The following GLP2R variants were observed in gnomAD, a reference collection of about 807,000 sequenced individuals.
GLP2R encodes the protein glucagon-like peptide 2 receptor.
In GLP2R, 59 loss-of-function variants were observed where a neutral mutation model predicts 68.2. That is an observed-to-expected ratio of 0.87 (90% CI 0.70 to 1.07). The LOEUF (loss-of-function observed/expected upper bound fraction) is 1.07. GLP2R is among the 50% of genes least tolerant of loss of function. The pLI, the probability that GLP2R is intolerant of heterozygous loss-of-function variation, is 0.00. For synonymous variants in GLP2R, 270 were observed against 265.4 expected (o/e 1.02, Z -0.17); for missense variants, 548 against 677.4 (o/e 0.81, Z 2.12).
At chr17:9,853,870 C>G (rs1413033069) in intron 4 of GLP2R, among the ~76,000 whole-genome samples, 1 of 152,136 alleles carries the variant, frequency 6.6e-6, no homozygotes, top group African/African-American at 2.4e-5. Flanking sequence ...AGCTATGTGG[C>G]CAAGACCAGA....
chr17:9,888,022 AACC>A, intron 12 of GLP2R, 49 bp downstream of exon 12: 1 of 1,271,132 alleles, frequency 7.9e-7, no homozygotes, highest in Non-Finnish European at 1.2e-6. Context: ...TTGGGACTGC[AACC>A]CTACCCACCT....
chr17:9,834,904 G>C (rs891650093), intron 2 of GLP2R: 1 of 152,260 alleles, frequency 6.6e-6, no homozygotes, highest in African/African-American at 2.4e-5. Flanking sequence ...CACAGCTCAG[G>C]TGAGCACTGC....
rs61209234 is a variant in GLP2R at position 9,866,082 on chromosome 17, G to A, written c.1056+3992G>A. On this transcript the variant is annotated intron_variant, in intron 9 of 12. Transcript: ENST00000262441. ...TGCATTGGTTCTAGGGCTCCCCAGAGAGTGGAATTTATGTGTCCCACCAGA... is the reference window on the plus strand; with the variant it reads ...TGCATTGGTTCTAGGGCTCCCCAGAAAGTGGAATTTATGTGTCCCACCAGA... 7.5e-3 allele frequency: 2,599 copies of A among 346,720 alleles called. 66 individuals are homozygous for A. The highest frequency in any genetic ancestry group is 0.051 in the African/African-American group (2,357 of 46,660). 21.5% of individuals were successfully genotyped at this position (346,720 alleles called of 1,614,324 possible).
At position 9,841,166 on chromosome 17, in the gene GLP2R, G is replaced by A. The variant is rs1229731154; in HGVS notation, c.383-1329G>A. On this transcript the variant is annotated intron_variant, in intron 3 of 12. Transcript: ENST00000262441. ...CTAGTAGCTGGGACTACAGGAGCTC[G>A]CTACCATGCCTAGCTAATTTTTTTT... Among the ~76,000 whole-genome samples, 7 of 150,496 alleles carry A rather than the reference G, an allele frequency of 4.7e-5. No individual in the cohort carries two copies. In the South Asian group the frequency reaches 1.1e-3, roughly 23 times the overall value.
At chr17:9,883,392 T>C (rs1323627110) in intron 11 of GLP2R, among the ~76,000 whole-genome samples, 1 of 97,694 alleles carries the variant, frequency 1.0e-5, no homozygotes, top group Non-Finnish European at 3.1e-5. Context: ...AACATACACA[T>C]AGGAGAGTCC....
At position 9,861,147 on chromosome 17, in the gene GLP2R, G is replaced by A; in HGVS notation, c.934G>A (p.Val312Met). ...CTGTGTTTTCTCCCCAGCCTTCCCT[G>A]TGCTATTTGTTGTACCCTGGGGTTT... ...RYLLLGWAFP[V>M]LFVVPWGFAR... Residue 312 changes from valine to methionine, a missense_variant, in exon 8 of 13, where the codon GTG becomes ATG. Transcript: ENST00000262441. The A allele has an allele frequency of 6.2e-7, 1 of 1,613,640 alleles. No individual in the cohort carries two copies. Among genetic ancestry groups the A allele is most frequent in the Non-Finnish European group, 8.5e-7 (1 of 1,179,676 alleles).
chr17:9,836,505 C>A, intron 3 of GLP2R, 30 bp downstream of exon 3: 2 of 1,350,426 alleles, frequency 1.5e-6, no homozygotes, highest in South Asian at 2.3e-5. Context: ...CCAATTTTCC[C>A]CAACCAAGTG....
At chr17:9,857,613 A>T in intron 6 of GLP2R, 37 bp downstream of exon 6, 1 of 1,603,238 alleles carries the variant, frequency 6.2e-7, no homozygotes, top group Non-Finnish European at 8.5e-7. Flanking sequence ...TGGACTCCCC[A>T]CCTGATGGGT....
rs138733497 is a variant in GLP2R, at chr17:9,886,150, T to C, written c.1285-1782T>C. ...CATTTTAGAGACTCCACCATGGGAA[T>C]TGGCAAGAACAGGCATCAGCCCTAA... is the stretch of plus-strand genomic sequence containing the variant. On this transcript the variant is annotated intron_variant, in intron 11 of 12. Coordinates refer to ENST00000262441, the MANE Select transcript of GLP2R (RefSeq NM_004246.3). 4.1e-4 allele frequency among the ~76,000 whole-genome samples: 63 copies of C among 152,286 alleles called. 1 individual carries two copies. The East Asian group carries it at 0.01, about 25-fold the overall frequency.
intron 4 of GLP2R, 135 bp downstream of exon 4, chr17:9,842,751 G>T: frequency 1.1e-6 from 1 of 923,546 alleles, no homozygotes; most frequent in Non-Finnish European, 1.6e-6. Context: ...AGCTAAGGAA[G>T]GTCCCGCAAA....
chr17:9,857,531 C>A lies in GLP2R; in HGVS notation c.720C>A (p.Ser240=), dbSNP rs776739218. The part of the protein sequence containing the change: ...VKDVVFYNSY[S]KRPDNENGWM... ...ACGTCGTCTTCTACAACTCTTACTC[C>A]AAGAGGCCTGACAATGAGAATGGGT... The change falls in exon 6 of 13, where the codon TCC becomes TCA. Residue 240 remains serine (S), a synonymous_variant. Coordinates refer to ENST00000262441, the MANE Select transcript of GLP2R (RefSeq NM_004246.3). 5 of 1,614,180 alleles carry A rather than the reference C, an allele frequency of 3.1e-6. No individual in the cohort carries two copies. In the Admixed American group the frequency reaches 8.3e-5, roughly 27 times the overall value.
intron 6 of GLP2R, among the ~76,000 whole-genome samples, 166 bp from the exon 7 acceptor site, chr17:9,859,776 G>A (rs987264256): frequency 5.5e-5 from 7 of 128,154 alleles, no homozygotes. Flanking sequence ...AGCTGAGATT[G>A]CACCTCTGCA....
intron 10 of GLP2R, among the ~76,000 whole-genome samples, chr17:9,874,323 C>CT (rs2067125275): frequency 6.6e-6 from 1 of 152,080 alleles, no homozygotes; most frequent in Admixed American, 6.5e-5. Flanking sequence ...CTGGAAATTC[C>CT]TTTTTTCCTC....
At chr17:9,871,970 G>A (rs959737833) in intron 10 of GLP2R, among the ~76,000 whole-genome samples, 2 of 152,088 alleles carry the variant, frequency 1.3e-5, no homozygotes, top group African/African-American at 4.8e-5. Context: ...TGATCCACTA[G>A]CCTTGGCCTC....
intron 11 of GLP2R, among the ~76,000 whole-genome samples, chr17:9,885,456 G>A (rs780357171): frequency 3.3e-5 from 5 of 151,990 alleles, no homozygotes; most frequent in Non-Finnish European, 7.4e-5. Flanking sequence ...GCAAACGTCT[G>A]AAGGCCCAAT....
chr17:9,885,883 A>T (rs1486170500), intron 11 of GLP2R, among the ~76,000 whole-genome samples: 2 of 152,146 alleles, frequency 1.3e-5, no homozygotes. Flanking sequence ...AGCATGGAAG[A>T]TTTGTTCCTG....
intron 4 of GLP2R, chr17:9,852,744 A>G (rs1024200316): frequency 5.3e-5 from 13 of 246,012 alleles, no homozygotes; most frequent in African/African-American, 3.0e-4. Context: ...AGTGTTTCAT[A>G]GATTTCTCCA....
At chr17:9,877,863 C>A (rs999801524) in intron 10 of GLP2R, among the ~76,000 whole-genome samples, 16 of 113,312 alleles carry the variant, frequency 1.4e-4, no homozygotes, top group African/African-American at 4.8e-4. Context: ...GGCGACAGAA[C>A]GAGACTCCGT....
chr17:9,874,475 AGAGT>A (rs1160972632), intron 10 of GLP2R, among the ~76,000 whole-genome samples: 14 of 152,180 alleles, frequency 9.2e-5, no homozygotes. Context: ...AGCCTGAGCC[AGAGT>A]GAGACCCTTT....
Sources: gnomAD v4.1 joint callset for allele counts (sites outside exome capture counted in the v4.1 genomes callset) on GRCh38, gnomAD v4.1.1 for gene constraint, MANE v1.5 for transcripts, NCBI Gene and HGNC (gene_info 2026-07-23, HGNC 2026-07-21) for gene names.